Variants in GNG3 observed in about 807,000 individuals in gnomAD.
GNG3 encodes the protein G protein subunit gamma 3, also known as guanine nucleotide-binding protein G(I)/G(S)/G(O) subunit gamma-3.
In GNG3, 4 loss-of-function variants were observed where a neutral mutation model predicts 5.6. That is an observed-to-expected ratio of 0.71 (90% CI 0.35 to 1.63). GNG3 has a LOEUF of 1.63. GNG3 is among the 40% of genes most tolerant of loss of function. The probability of loss-of-function intolerance (pLI) is 0.05; values close to 1 mark genes in which losing one functional copy is unlikely to be tolerated. For synonymous variants in GNG3, 30 were observed against 33.5 expected (o/e 0.89, Z 0.36); for missense variants, 62 against 96.6 (o/e 0.64, Z 1.50).
In GNG3 at chr11:62,708,750, G is replaced by A; in HGVS notation, c.172G>A (p.Val58Met). 3 of 1,614,116 alleles carry A rather than the reference G, an allele frequency of 1.9e-6. No homozygotes were observed. Among genetic ancestry groups the A allele is most frequent in the Non-Finnish European group, 2.5e-6 (3 of 1,179,998 alleles). ...HACEDPLITPVPTSENPFREK... is the reference protein window; with the variant it reads ...HACEDPLITPMPTSENPFREK... ...CTGTGAGGATCCCCTCATCACCCCT[G>A]TGCCCACTTCGGAGAACCCCTTCCG... Residue 58 changes from valine (V) to methionine (M), a missense_variant, in exon 3 of 3, where the codon GTG (valine) becomes ATG (methionine). Val to Met is a conservative substitution (Grantham distance 21). This residue lies in a region of GNG3 where 58 missense variants were observed against 75.4 expected (regional missense o/e 0.77). Transcript: ENST00000294117.
At chr11:62,706,976 C>T (rs1453572105), upstream of GNG3, 1 of 782,480 alleles carries the variant, frequency 1.3e-6, no homozygotes, top group African/African-American at 1.7e-5. Context: ...TCTTTGCACA[C>T]TGCTGCGGGC....
In GNG3 at chr11:62,708,349, G is replaced by A; in HGVS notation, c.54G>A (p.Lys18=). 6.2e-7 allele frequency: 1 copy of A among 1,613,964 alleles called. No individual in the cohort carries two copies. The highest frequency in any genetic ancestry group is 8.5e-7 in the Non-Finnish European group (1 of 1,179,798). The change falls in exon 2 of 3, where the codon AAG becomes AAA. Residue 18 remains lysine (K), a synonymous_variant. Transcript: ENST00000294117. ...CTATGAGTATTGGGCAAGCACGCAA[G>A]ATGGTGGAACAGCTTAAGATTGAAG... ...NSTMSIGQAR[K]MVEQLKIEAS...
chr11:62,708,566 A>T, intron 2 of GNG3, 112 bp from the exon 3 acceptor site: 1 of 1,470,438 alleles, frequency 6.8e-7, no homozygotes, highest in Non-Finnish European at 9.3e-7. Context: ...ATGAGGGAGA[A>T]GACAAGTCGT....
At chr11:62,706,627 A>G, upstream of GNG3, 1 of 472,296 alleles carries the variant, frequency 2.1e-6, no homozygotes, top group Non-Finnish European at 4.4e-6. Context: ...ACCACAGGCC[A>G]TTTCACCCGC....
chr11:62,708,292 C>G lies in GNG3; in HGVS notation c.-1-3C>G. On this transcript the variant is annotated splice_polypyrimidine_tract_variant and splice_region_variant and intron_variant, in intron 1 of 2. Transcript: ENST00000294117. ...TGCTCTGAGAGGTCCCTCTTTTTTCCAGGATGAAAGGTGAGACCCCGGTGA... is the reference window on the plus strand; with the variant it reads ...TGCTCTGAGAGGTCCCTCTTTTTTCGAGGATGAAAGGTGAGACCCCGGTGA... 6.2e-7 allele frequency: 1 copy of G among 1,601,712 alleles called. No homozygotes were observed. The highest frequency in any genetic ancestry group is 8.6e-7 in the Non-Finnish European group (1 of 1,168,690).
Position 62,708,394 on chromosome 11 carries a change from G to C in GNG3, c.99G>C (p.Lys33Asn), listed in dbSNP as rs764339046. The stretch of plus-strand genomic sequence containing the variant: ...TTGAAGCCAGCTTGTGTCGGATAAA[G>C]GTAGGTGGGACCCTGGCTGGCTCCC... ...LKIEASLCRIKVSKAAADLMT... is the reference protein window; with the variant it reads ...LKIEASLCRINVSKAAADLMT... The change falls in exon 2 of 3, where the codon AAG (lysine) becomes AAC (asparagine). Residue 33 changes from lysine to asparagine, a missense_variant and splice_region_variant. By Grantham distance (94) the Lys-to-Asn change is moderately conservative (BLOSUM62 0). This residue lies in a region of GNG3 where 58 missense variants were observed against 75.4 expected (regional missense o/e 0.77). Coordinates refer to ENST00000294117, the MANE Select transcript of GNG3 (RefSeq NM_012202.5). 1 of 1,606,800 alleles carries C rather than the reference G, an allele frequency of 6.2e-7. No homozygotes were observed. The highest frequency in any genetic ancestry group is 8.5e-7 in the Non-Finnish European group (1 of 1,173,398).
At chr11:62,707,624 T>G, upstream of GNG3, 1 of 498,312 alleles carries the variant, frequency 2.0e-6, no homozygotes, top group Non-Finnish European at 3.7e-6. Context: ...TGCAGGCAGC[T>G]AGGCTCCCCC....
chr11:62,707,128 T>C, upstream of GNG3: 1 of 1,554,430 alleles, frequency 6.4e-7, no homozygotes, highest in East Asian at 2.4e-5. Context: ...GTCCGGTCCT[T>C]TGATCTGGTC....
chr11:62,708,927 G>T lies in GNG3; in HGVS notation c.*121G>T. ...CCATCCCTAACCCTTGCCTGACCAT[G>T]TGAGGTTATCTGAAGCACAAGGCCC... On this transcript the variant is annotated 3_prime_UTR_variant, in exon 3 of 3. Transcript: ENST00000294117. 1 of 779,784 alleles carries T rather than the reference G, an allele frequency of 1.3e-6. No individual in the cohort carries two copies. Among genetic ancestry groups the T allele is most frequent in the Admixed American group, 2.1e-5 (1 of 46,638 alleles). 48.3% of individuals were successfully genotyped at this position (779,784 alleles called of 1,614,324 possible).
upstream of GNG3, among the ~76,000 whole-genome samples, chr11:62,706,880 A>G (rs2083549553): frequency 6.6e-6 from 1 of 152,220 alleles, no homozygotes; most frequent in South Asian, 2.1e-4. Flanking sequence ...CACATTATCT[A>G]GACTAGCTTT....
In GNG3 at chr11:62,707,783, A is replaced by G. The variant is rs1440454011; in HGVS notation, c.-134A>G. The G allele has an allele frequency of 3.8e-6, 1 of 265,514 alleles. No homozygotes were observed. The highest frequency in any genetic ancestry group is 7.4e-6 in the Non-Finnish European group (1 of 135,394). The allele number at this position is 265,514 out of a possible 1,614,324, so 16.4% of individuals were successfully genotyped here. ...GCCCTCCCCAGGGGCCTCCTTTCGT[A>G]TAGTCACTGCTTCTGCATCAGATAC... On this transcript the variant is annotated 5_prime_UTR_variant, in exon 1 of 3. Coordinates refer to ENST00000294117, the MANE Select transcript of GNG3 (RefSeq NM_012202.5).
At chr11:62,708,062 G>T in intron 1 of GNG3, 147 bp downstream of exon 1, 1 of 570,304 alleles carries the variant, frequency 1.8e-6, no homozygotes. Context: ...TTTGTGTAAG[G>T]TTTAATGATC....
chr11:62,708,144 G>A, intron 1 of GNG3, 151 bp from the exon 2 acceptor site: 1 of 671,212 alleles, frequency 1.5e-6, no homozygotes, highest in Admixed American at 2.2e-5. Context: ...GGAATACAGG[G>A]ATGAGACAGT....
chr11:62,706,983 G>T, upstream of GNG3: 2 of 807,544 alleles, frequency 2.5e-6, no homozygotes, highest in Non-Finnish European at 4.0e-6. Flanking sequence ...ACACTGCTGC[G>T]GGCGTGGGAA....
At chr11:62,708,555 G>A (rs991883653) in intron 2 of GNG3, 123 bp from the exon 3 acceptor site, 1 of 1,406,478 alleles carries the variant, frequency 7.1e-7, no homozygotes. Context: ...CTCTGGGGGG[G>A]ATGAGGGAGA....
chr11:62,707,450 A>G, upstream of GNG3: 1 of 692,768 alleles, frequency 1.4e-6, no homozygotes, highest in Non-Finnish European at 2.6e-6. Context: ...CAGCCAGTAC[A>G]GACTCCACTG....
At chr11:62,706,756 ACCTGGG>A (rs1231494941), upstream of GNG3, 1 of 528,494 alleles carries the variant, frequency 1.9e-6, no homozygotes, top group South Asian at 1.5e-5. Context: ...GTTTGCGGCA[ACCTGGG>A]CCTCTTGCGT....
chr11:62,707,477 C>A (rs946116769), upstream of GNG3: 3 of 664,932 alleles, frequency 4.5e-6, no homozygotes, highest in Admixed American at 2.2e-5. Context: ...CCGTCATAGG[C>A]CCAGACCACG....
rs2083578165 is a variant in GNG3 at position 62,708,343 on chromosome 11, A to T, written c.48A>T (p.Ala16=). The change falls in exon 2 of 3, where the codon GCA becomes GCT. Residue 16 remains alanine (A), a synonymous_variant. Coordinates refer to ENST00000294117, the MANE Select transcript of GNG3 (RefSeq NM_012202.5). ...ACAGCACTATGAGTATTGGGCAAGC[A>T]CGCAAGATGGTGGAACAGCTTAAGA... ...PVNSTMSIGQ[A]RKMVEQLKIE... is the part of the protein sequence containing the mutation. 6.2e-7 allele frequency: 1 copy of T among 1,613,852 alleles called. No individual in the cohort carries two copies. Among genetic ancestry groups the T allele is most frequent in the Non-Finnish European group, 8.5e-7 (1 of 1,179,818 alleles).
Sources: allele counts gnomAD v4.1 joint callset (sites outside exome capture counted in the v4.1 genomes callset), GRCh38; gene constraint gnomAD v4.1.1; regional missense constraint gnomAD v4.1.1; transcripts MANE v1.5; gene names NCBI Gene and HGNC (gene_info 2026-07-23, HGNC 2026-07-21).